Variants in GALNT16 observed in about 807,000 individuals in gnomAD.
GALNT16 encodes the protein UDP-GalNAc:polypeptide N-acetylgalactosaminyltransferase-like protein 1.
A neutral mutation model predicts 76.1 loss-of-function variants in GALNT16; 40 were observed. The observed-to-expected ratio is 0.53, with a 90% CI of 0.41 to 0.68. The LOEUF is 0.68. Among genes scored for constraint, GALNT16 ranks in the 30% least tolerant of loss-of-function variants. The pLI is 0.00. For synonymous variants in GALNT16, 276 were observed against 285.2 expected, an observed-to-expected ratio of 0.97 and a Z score of 0.32; for missense variants, 621 against 731.9, an observed-to-expected ratio of 0.85 and a Z score of 1.75.
the GALNT16 span, among the ~76,000 whole-genome samples, chr14:69,370,872 T>C: frequency 2.6e-5 from 4 of 152,238 alleles, no homozygotes; most frequent in East Asian, 1.9e-4. Context: ...ACAGGAACAG[T>C]GCGCCAAGTG....
At chr14:69,307,383 T>C (rs1344840505) in intron 1 of GALNT16, among the ~76,000 whole-genome samples, 1 of 152,202 alleles carries the variant, frequency 6.6e-6, no homozygotes, top group Admixed American at 6.5e-5. Flanking sequence ...GTTTCAGCAT[T>C]TGCTCCATGA....
chr14:69,261,576 G>C lies in GALNT16; in HGVS notation c.177+1109G>C, dbSNP rs2044273656. 6.6e-6 allele frequency among the ~76,000 whole-genome samples: 1 copy of C among 151,830 alleles called. No homozygotes were observed. The highest frequency in any genetic ancestry group is 2.4e-5 in the African/African-American group (1 of 41,332). On this transcript the variant is annotated intron_variant, in intron 1 of 14. Transcript: ENST00000448469. The surrounding 1 kb of genome is among the most constrained non-coding windows in gnomAD (Gnocchi z 6.4). ...TGGCGATTCCGACAAGGAAAGATCT[G>C]GGCCTGGGGGTGGAGGGGTGAGGAG...
At chr14:69,264,809 C>CTTTTTTT (rs2044320233) in intron 1 of GALNT16, among the ~76,000 whole-genome samples, 1 of 54,366 alleles carries the variant, frequency 1.8e-5, no homozygotes. Context: ...TTTCTCTTTT[C>CTTTTTTT]TTTTTCTTTC....
At chr14:69,321,776 C>T (rs991979717) in intron 2 of GALNT16, among the ~76,000 whole-genome samples, 4 of 152,342 alleles carry the variant, frequency 2.6e-5, no homozygotes, top group Non-Finnish European at 4.4e-5. Flanking sequence ...CTTCCCAACC[C>T]GGGCTAGGTT....
At chr14:69,294,387 G>A (rs1008963806) in intron 1 of GALNT16, among the ~76,000 whole-genome samples, 1 of 152,296 alleles carries the variant, frequency 6.6e-6, no homozygotes, top group South Asian at 2.1e-4. Context: ...CTCCCAAAGT[G>A]CTGGGTTACA....
chr14:69,281,374 C>T (rs1436915542), intron 1 of GALNT16, among the ~76,000 whole-genome samples: 2 of 152,194 alleles, frequency 1.3e-5, no homozygotes, highest in East Asian at 1.9e-4. Context: ...GGGCTCCTAA[C>T]CACACAGGCA....
At chr14:69,296,905 A>T (rs72625670) in intron 1 of GALNT16, among the ~76,000 whole-genome samples, 10,661 of 152,222 alleles carry the variant, frequency 0.07, 660 homozygotes, top group East Asian at 0.31. Flanking sequence ...TTGTACCTTG[A>T]TTTCTTTTTC....
At chr14:69,380,721 A>G in the GALNT16 span, 5 of 772,464 alleles carry the variant, frequency 6.5e-6, no homozygotes, top group Non-Finnish European at 1.2e-5. Context: ...TAACTGCCCA[A>G]TGATGGCATA....
At chr14:69,324,644 C>A in intron 2 of GALNT16, 48 bp from the exon 3 acceptor site, 1 of 1,049,438 alleles carries the variant, frequency 9.5e-7, no homozygotes, top group Non-Finnish European at 1.4e-6. Context: ...TTGACCTGCC[C>A]TGAGGATGCC....
intron 12 of GALNT16, among the ~76,000 whole-genome samples, chr14:69,343,162 C>A (rs1444654022): frequency 6.6e-6 from 1 of 152,228 alleles, no homozygotes; most frequent in Non-Finnish European, 1.5e-5. Context: ...CTATAGCTGT[C>A]ACCTTGGGGA....
intron 1 of GALNT16, among the ~76,000 whole-genome samples, chr14:69,285,566 T>C (rs565824070): frequency 3.3e-5 from 5 of 152,220 alleles, no homozygotes; most frequent in Non-Finnish European, 5.9e-5. Context: ...AAAGATCCTT[T>C]AATTTTTATG....
intron 1 of GALNT16, among the ~76,000 whole-genome samples, chr14:69,279,652 G>A (rs543325473): frequency 7.8e-4 from 119 of 152,380 alleles, no homozygotes; most frequent in African/African-American, 2.3e-3. Flanking sequence ...GTGTCAGGGC[G>A]TATGCCGAGT....
chr14:69,260,175 C>T lies in GALNT16; in HGVS notation c.-116C>T. On this transcript the variant is annotated 5_prime_UTR_variant, in exon 1 of 15. Transcript: ENST00000448469. The stretch of plus-strand genomic sequence containing the variant: ...CCACCTCTCTCCTTTTTCTGCTCTG[C>T]AGGACTGAGCAGCTAGGCGCGAGCG... 5.0e-6 allele frequency: 2 copies of T among 397,380 alleles called. No homozygotes were observed. Among genetic ancestry groups the T allele is most frequent in the Admixed American group, 2.8e-5 (1 of 35,652 alleles). The allele number at this position is 397,380 out of a possible 1,614,324, so 24.6% of individuals were successfully genotyped here. A position where few individuals can be genotyped will look rare whatever the true frequency, so the allele number is the denominator to read the frequency against.
rs955546300 is a variant in GALNT16, at chr14:69,261,254, G to C, written c.177+787G>C. On this transcript the variant is annotated intron_variant, in intron 1 of 14. Coordinates refer to ENST00000448469, the MANE Select transcript of GALNT16 (RefSeq NM_001168368.2). The surrounding 1 kb of genome is among the most constrained non-coding windows in gnomAD (Gnocchi z 6.4). ...CTGCGGGGGCCCTTGGCGCTCTGGG[G>C]ACCCGGGCGGGGGCGTGCGGAGCCG... Among the ~76,000 whole-genome samples the C allele has an allele frequency of 2.0e-5, 3 of 151,918 alleles. No homozygotes were observed. Among genetic ancestry groups the C allele is most frequent in the African/African-American group, 7.3e-5 (3 of 41,358 alleles).
At chr14:69,296,058 G>T (rs2044755537) in intron 1 of GALNT16, among the ~76,000 whole-genome samples, 1 of 152,180 alleles carries the variant, frequency 6.6e-6, no homozygotes. Flanking sequence ...CGGTTCTGCA[G>T]GCTGTACAGG....
At position 69,264,819 on chromosome 14, in the gene GALNT16, C is replaced by CTTTTTTTTTTTTTTTTTTTTTTTTTT. The variant is rs60818532; in HGVS notation, c.177+4363_177+4364insTTTTTTTTTTTTTTTTTTTTTTTTTT. Among the ~76,000 whole-genome samples the CTTTTTTTTTTTTTTTTTTTTTTTTTT allele has an allele frequency of 5.6e-4, 54 of 96,560 alleles. 7 individuals are homozygous for CTTTTTTTTTTTTTTTTTTTTTTTTTT. The highest frequency in any genetic ancestry group is 1.4e-3 in the African/African-American group (28 of 19,468). The allele number at this position is 96,560 out of a possible 152,430, so 63.3% of individuals were successfully genotyped here. A position where few individuals can be genotyped will look rare whatever the true frequency, so the allele number is the denominator to read the frequency against. On this transcript the variant is annotated intron_variant, in intron 1 of 14. Coordinates refer to ENST00000448469, the MANE Select transcript of GALNT16 (RefSeq NM_001168368.2). Reference sequence around the variant, plus strand: ...TTTATTTTCTCTTTTCTTTTTCTTTCTTTTTTTTTTTGGACACAGGGTCTC... The same window carrying CTTTTTTTTTTTTTTTTTTTTTTTTTT: ...TTTATTTTCTCTTTTCTTTTTCTTTCTTTTTTTTTTTTTTTTTTTTTTTTTTTTTTTTTTTTTGGACACAGGGTCTC...
intron 11 of GALNT16, among the ~76,000 whole-genome samples, chr14:69,341,150 T>G (rs748236213): frequency 6.6e-6 from 1 of 152,152 alleles, no homozygotes; most frequent in Non-Finnish European, 1.5e-5. Flanking sequence ...CAGTTGAATG[T>G]AGAGGAAACT....
rs750594330 is a variant in GALNT16, at chr14:69,341,802, G to A, written c.1271+38G>A. The A allele has an allele frequency of 1.0e-5, 15 of 1,460,670 alleles. No individual in the cohort carries two copies. In the Middle Eastern group the frequency reaches 5.2e-4, roughly 50 times the overall value. 90.5% of individuals were successfully genotyped at this position (1,460,670 alleles called of 1,614,324 possible). On this transcript the variant is annotated intron_variant, in intron 12 of 14. Coordinates refer to ENST00000448469, the MANE Select transcript of GALNT16 (RefSeq NM_001168368.2). ...CTCATCTTGTGCATCCCCCAGGCGG[G>A]TAGGGGGTGGTTGGGGCCAGCGGCT...
At chr14:69,307,489 G>C (rs2044952881) in intron 1 of GALNT16, among the ~76,000 whole-genome samples, 1 of 152,138 alleles carries the variant, frequency 6.6e-6, no homozygotes, top group South Asian at 2.1e-4. Flanking sequence ...AGATCATCTT[G>C]CTGAACCCCC....
Sources: gnomAD v4.1 joint callset for allele counts (sites outside exome capture counted in the v4.1 genomes callset) on GRCh38, gnomAD v4.1.1 for gene constraint, Gnocchi (gnomAD v3.1) non-coding constraint, MANE v1.5 for transcripts, NCBI Gene and HGNC (gene_info 2026-07-23, HGNC 2026-07-21) for gene names.